The following DGKI variants were observed in gnomAD, a reference collection of about 807,000 sequenced individuals.
The protein encoded by DGKI is diacylglycerol kinase iota.
In DGKI, 55 loss-of-function variants were observed where a neutral mutation model predicts 147.5. The ratio of observed to expected loss-of-function variants is 0.37; its 90% CI spans 0.30 to 0.47. DGKI has a LOEUF of 0.47. DGKI is among the 20% of genes least tolerant of loss of function. DGKI has a pLI of 1.00. For synonymous variants in DGKI, 469 were observed against 477.1 expected (o/e 0.98, Z 0.22); for missense variants, 1,007 against 1,323.8 (o/e 0.76, Z 3.71).
chr7:137,745,763 C>A (rs1042472707), intron 1 of DGKI, among the ~76,000 whole-genome samples: 1 of 151,922 alleles, frequency 6.6e-6, no homozygotes, highest in African/African-American at 2.4e-5. Context: ...GATGAGAGTT[C>A]TCAGCTTAAA....
Position 137,463,520 on chromosome 7 carries a change from G to A in DGKI, c.2704C>T (p.Leu902=). 1 of 1,614,184 alleles carries A rather than the reference G, an allele frequency of 6.2e-7. No individual in the cohort carries two copies. Among genetic ancestry groups the A allele is most frequent in the Non-Finnish European group, 8.5e-7 (1 of 1,180,030 alleles). The part of the protein sequence containing the change: ...MIAPYYEDSD[L]KDLSHSRVLQ... ...ACGCGGGAGTGGCTGAGATCTTTCA[G>A]ATCTGAGTCCTCATAATAGGGAGCT... The change falls in exon 27 of 33, where the codon CTG becomes TTG. Residue 902 remains leucine, a synonymous_variant. Transcript: ENST00000614521.
intron 13 of DGKI, 24 bp downstream of exon 13, chr7:137,587,073 G>A (rs977020518): frequency 6.6e-7 from 1 of 1,520,482 alleles, no homozygotes; most frequent in East Asian, 2.3e-5. Flanking sequence ...GATGATATGG[G>A]CAGTCCCCGA....
rs116604249 is a variant in DGKI at position 137,474,789 on chromosome 7, C to T, written c.2374-5170G>A. On this transcript the variant is annotated intron_variant, in intron 23 of 32. Coordinates refer to ENST00000614521, the MANE Select transcript of DGKI (RefSeq NM_001321708.2). ...GATCCAGCCCCAATTAAGCAGCAAG[C>T]CCAGAGGCGGCGGAAGGCTGATGGG... Among the ~76,000 whole-genome samples the T allele has an allele frequency of 4.9e-3, 750 of 152,196 alleles. 4 individuals carry two copies. The highest frequency in any genetic ancestry group is 0.017 in the African/African-American group (723 of 41,524).
intron 21 of DGKI, among the ~76,000 whole-genome samples, chr7:137,504,055 C>T (rs1272932870): frequency 6.6e-6 from 1 of 152,132 alleles, no homozygotes; most frequent in African/African-American, 2.4e-5. Context: ...CAGCTGCCTG[C>T]TTGATGACAC....
At chr7:137,572,502 T>A (rs1274695801) in intron 18 of DGKI, among the ~76,000 whole-genome samples, 1 of 152,174 alleles carries the variant, frequency 6.6e-6, no homozygotes, top group Non-Finnish European at 1.5e-5. Flanking sequence ...TAAATTAAGA[T>A]GTTCCAGTCA....
intron 1 of DGKI, among the ~76,000 whole-genome samples, chr7:137,795,832 TG>T (rs1374020669): frequency 1.4e-4 from 21 of 152,318 alleles, no homozygotes; most frequent in Admixed American, 4.6e-4. Context: ...GGAAAGTTAT[TG>T]GTTGAATAAA....
chr7:137,593,655 A>AAT (rs1286832843), intron 12 of DGKI, among the ~76,000 whole-genome samples: 2 of 152,252 alleles, frequency 1.3e-5, no homozygotes, highest in Non-Finnish European at 2.9e-5. Context: ...GTAAGTATAA[A>AAT]ATATATGCTA....
chr7:137,429,586 C>CA (rs879330739), intron 28 of DGKI, among the ~76,000 whole-genome samples: 246 of 151,156 alleles, frequency 1.6e-3, no homozygotes, highest in Non-Finnish European at 2.0e-3. Context: ...TTCTGCACAG[C>CA]AAAAAAAACT....
At chr7:137,476,009 T>C (rs1016344105) in intron 23 of DGKI, among the ~76,000 whole-genome samples, 1 of 152,166 alleles carries the variant, frequency 6.6e-6, no homozygotes, top group Non-Finnish European at 1.5e-5. Flanking sequence ...AAGTCTCAAA[T>C]TTGGGGCTAA....
At chr7:137,412,535 GAGCCTC>G (rs113060387) in intron 28 of DGKI, among the ~76,000 whole-genome samples, 2,223 of 152,242 alleles carry the variant, frequency 0.015, 62 homozygotes, top group East Asian at 0.1. Context: ...TAACCCCTCT[GAGCCTC>G]AGTTTCCACA....
At chr7:137,503,014 C>G (rs546729124) in intron 21 of DGKI, among the ~76,000 whole-genome samples, 2 of 152,256 alleles carry the variant, frequency 1.3e-5, no homozygotes, top group African/African-American at 4.8e-5. Flanking sequence ...CCAGAACCAT[C>G]AGACTCAGAA....
At chr7:137,666,402 C>G (rs1018840552) in intron 3 of DGKI, among the ~76,000 whole-genome samples, 2 of 152,100 alleles carry the variant, frequency 1.3e-5, no homozygotes, top group African/African-American at 4.8e-5. Context: ...AATTCTGTCT[C>G]TAAAACAAAC....
intron 31 of DGKI, 132 bp from the exon 32 acceptor site, chr7:137,395,829 C>T: frequency 3.0e-6 from 2 of 673,922 alleles, no homozygotes; most frequent in Non-Finnish European, 4.9e-6. Context: ...CTGTAGGGTA[C>T]ATTCTGGGGA....
At chr7:137,632,764 C>A (rs1821177132) in intron 6 of DGKI, among the ~76,000 whole-genome samples, 3 of 152,128 alleles carry the variant, frequency 2.0e-5, no homozygotes, top group South Asian at 4.1e-4. Context: ...GAGGCTGAGG[C>A]AGGAGAATTG....
intron 1 of DGKI, among the ~76,000 whole-genome samples, chr7:137,788,240 T>C (rs2116915009): frequency 1.3e-5 from 2 of 152,268 alleles, no homozygotes; most frequent in South Asian, 4.1e-4. Flanking sequence ...TTCTTGTCAG[T>C]TCTGGAGCCA....
At chr7:137,436,946 C>A (rs1201005519) in intron 28 of DGKI, among the ~76,000 whole-genome samples, 2 of 152,098 alleles carry the variant, frequency 1.3e-5, no homozygotes, top group East Asian at 3.9e-4. Context: ...AATTCAACAT[C>A]TGTTGAATTT....
At chr7:137,533,546 T>C (rs1817414159) in intron 20 of DGKI, among the ~76,000 whole-genome samples, 3 of 152,118 alleles carry the variant, frequency 2.0e-5, no homozygotes, top group Non-Finnish European at 2.9e-5. Flanking sequence ...ACCAATGTAT[T>C]TATAAGACAA....
At chr7:137,572,497 T>C (rs1220347764) in intron 18 of DGKI, among the ~76,000 whole-genome samples, 2 of 152,184 alleles carry the variant, frequency 1.3e-5, no homozygotes, top group Admixed American at 6.5e-5. Context: ...AGAAATAAAT[T>C]AAGATGTTCC....
intron 3 of DGKI, among the ~76,000 whole-genome samples, chr7:137,676,612 C>T (rs1223339867): frequency 6.6e-6 from 1 of 152,078 alleles, no homozygotes; most frequent in African/African-American, 2.4e-5. Context: ...ATCTTTCAGA[C>T]GTTTTGTAAT....
Sources: allele counts gnomAD v4.1 joint callset (sites outside exome capture counted in the v4.1 genomes callset), GRCh38; gene constraint gnomAD v4.1.1; transcripts MANE v1.5; gene names NCBI Gene and HGNC (gene_info 2026-07-23, HGNC 2026-07-21).